The following VPS13B variants were observed in gnomAD, a reference collection of about 807,000 sequenced individuals.
The protein encoded by VPS13B is vacuolar protein sorting 13 homolog B.
Under a neutral mutation model 426.4 loss-of-function variants are expected in VPS13B, and 285 were observed. That is an observed-to-expected ratio of 0.67 (90% confidence interval 0.61 to 0.74). The LOEUF (loss-of-function observed/expected upper bound fraction) is 0.74. Ranked by LOEUF, VPS13B falls within the 30% of genes least tolerant of loss-of-function variation. The pLI, the probability that VPS13B is intolerant of heterozygous loss-of-function variation, is 0.00. For missense variants in VPS13B, 4,537 were observed against 4,782.6 expected (o/e 0.95, Z 1.51); for synonymous variants, 1,676 against 1,676.4 (o/e 1.00, Z 0.01).
chr8:99,358,476 G>A (rs1408360272), intron 19 of VPS13B, among the ~76,000 whole-genome samples: 1 of 152,094 alleles, frequency 6.6e-6, no homozygotes, highest in Non-Finnish European at 1.5e-5. Context: ...TGCTTATAGA[G>A]TTATTTTCTT....
chr8:99,540,044 TATATATATATATATATA>T (rs1823503053), intron 30 of VPS13B, among the ~76,000 whole-genome samples: 3 of 4,142 alleles, frequency 7.2e-4, no homozygotes, highest in Admixed American at 3.1e-3. Context: ...TATATATATA[TATATATATATATATATA>T]TATTTTTTTT....
intron 19 of VPS13B, among the ~76,000 whole-genome samples, chr8:99,363,029 C>T (rs1328667353): frequency 2.6e-5 from 4 of 152,142 alleles, no homozygotes; most frequent in Admixed American, 6.5e-5. Flanking sequence ...GATGTGACCC[C>T]CTTTGTCGAT....
At chr8:99,731,827 A>G (rs1001913732) in intron 39 of VPS13B, among the ~76,000 whole-genome samples, 13 of 152,132 alleles carry the variant, frequency 8.5e-5, no homozygotes, top group African/African-American at 3.1e-4. Context: ...CAATTTTGGA[A>G]ATAAAGAGGA....
intron 21 of VPS13B, among the ~76,000 whole-genome samples, chr8:99,414,111 G>A (rs1161004455): frequency 6.6e-6 from 1 of 152,122 alleles, no homozygotes; most frequent in Non-Finnish European, 1.5e-5. Context: ...GGGTGCTCCT[G>A]TATTGGGTGC....
chr8:99,572,231 G>C (rs1446005180), intron 31 of VPS13B, among the ~76,000 whole-genome samples: 1 of 152,150 alleles, frequency 6.6e-6, no homozygotes, highest in African/African-American at 2.4e-5. Flanking sequence ...TGGACTTGAA[G>C]ATCTATACCA....
chr8:99,670,115 A>C (rs1273256585), intron 35 of VPS13B, among the ~76,000 whole-genome samples: 1 of 152,014 alleles, frequency 6.6e-6, no homozygotes, highest in African/African-American at 2.4e-5. Flanking sequence ...TTCTTGGTTA[A>C]CCCTGCTTTT....
chr8:99,556,581 T>C lies in VPS13B; in HGVS notation c.4877T>C (p.Val1626Ala). ...WHQLKPEKESVSGGVVTETER... is the reference protein window; with the variant it reads ...WHQLKPEKESASGGVVTETER... ...CAACTAAAACCAGAGAAGGAAAGTG[T>C]CTCAGGAGGGGTGGTAACAGAGACT... Residue 1626 changes from valine (V) to alanine (A), a missense_variant, in exon 31 of 62, where the codon GTC becomes GCC. By Grantham distance (64) the Val-to-Ala change is moderately conservative. Transcript: ENST00000357162. 6.2e-7 allele frequency: 1 copy of C among 1,613,158 alleles called. No individual in the cohort carries two copies. Among genetic ancestry groups the C allele is most frequent in the Non-Finnish European group, 8.5e-7 (1 of 1,179,452 alleles).
Position 99,501,800 on chromosome 8 carries a change from G to T in VPS13B, c.3984G>T (p.Trp1328Cys). 3.1e-6 allele frequency: 5 copies of T among 1,613,764 alleles called. No individual in the cohort carries two copies. Among genetic ancestry groups the T allele is most frequent in the Non-Finnish European group, 4.2e-6 (5 of 1,179,968 alleles). Residue 1328 changes from tryptophan to cysteine, a missense_variant, in exon 26 of 62, where the codon TGG becomes TGT. By Grantham distance (215) the Trp-to-Cys change is radical (BLOSUM62 -2). Coordinates refer to ENST00000357162, the MANE Select transcript of VPS13B (RefSeq NM_152564.5). The stretch of plus-strand genomic sequence containing the variant: ...GACGTGTTAGTTTATGGATGCAGTG[G>T]GTGCTTCCCAAAATTACTATAAAGC... ...TSGRVSLWMQ[W>C]VLPKITIKLF...
chr8:99,371,327 A>G (rs1813168083), intron 19 of VPS13B, among the ~76,000 whole-genome samples: 1 of 152,198 alleles, frequency 6.6e-6, no homozygotes, highest in African/African-American at 2.4e-5. Flanking sequence ...TAGATGCACC[A>G]TTTATTAAAT....
At chr8:99,275,509 A>G (rs1397511493) in intron 19 of VPS13B, among the ~76,000 whole-genome samples, 5 of 152,070 alleles carry the variant, frequency 3.3e-5, no homozygotes, top group Non-Finnish European at 5.9e-5. Context: ...TCAGATTCGT[A>G]TATATAAGGA....
intron 23 of VPS13B, among the ~76,000 whole-genome samples, chr8:99,449,248 C>T (rs776597469): frequency 2.0e-5 from 3 of 152,062 alleles, no homozygotes; most frequent in Admixed American, 6.6e-5. Flanking sequence ...AGAATAACTC[C>T]GTGGTTCTTA....
At chr8:99,452,381 AT>A (rs1818241644) in intron 23 of VPS13B, among the ~76,000 whole-genome samples, 1 of 151,804 alleles carries the variant, frequency 6.6e-6, no homozygotes, top group Non-Finnish European at 1.5e-5. Flanking sequence ...AATTTTAACT[AT>A]TTTTCTTCAG....
At chr8:99,384,904 C>A (rs1814031636) in intron 20 of VPS13B, among the ~76,000 whole-genome samples, 1 of 152,166 alleles carries the variant, frequency 6.6e-6, no homozygotes, top group African/African-American at 2.4e-5. Context: ...GTCTTGAACT[C>A]CTGACCTCAA....
intron 17 of VPS13B, among the ~76,000 whole-genome samples, chr8:99,237,763 C>A (rs1455363866): frequency 6.6e-6 from 1 of 151,874 alleles, no homozygotes; most frequent in Non-Finnish European, 1.5e-5. Flanking sequence ...GTGACCCGAA[C>A]CACCTGTTCC....
chr8:99,311,619 T>A (rs969068476), intron 19 of VPS13B, among the ~76,000 whole-genome samples: 1 of 152,244 alleles, frequency 6.6e-6, no homozygotes, highest in Non-Finnish European at 1.5e-5. Flanking sequence ...ATAAGTGTGC[T>A]GTGGTGCTGA....
At chr8:99,437,803 A>C (rs955511615) in intron 22 of VPS13B, among the ~76,000 whole-genome samples, 1 of 152,128 alleles carries the variant, frequency 6.6e-6, no homozygotes, top group African/African-American at 2.4e-5. Flanking sequence ...GTTCTTTCCA[A>C]GTTTTCTATA....
Position 99,720,902 on chromosome 8 carries a change from A to C in VPS13B, c.6905A>C (p.Tyr2302Ser). The C allele has an allele frequency of 6.2e-7, 1 of 1,613,968 alleles. No homozygotes were observed. Among genetic ancestry groups the C allele is most frequent in the Non-Finnish European group, 8.5e-7 (1 of 1,179,922 alleles). Reference protein sequence around the residue: ...KLPGVYEVLFYNETEDCPGMM... With the variant: ...KLPGVYEVLFSNETEDCPGMM... ...CCTGGGGTCTATGAAGTCTTATTTTATAATGAAACTGAAGATTGCCCAGGG... is the reference window on the plus strand; with the variant it reads ...CCTGGGGTCTATGAAGTCTTATTTTCTAATGAAACTGAAGATTGCCCAGGG... The change falls in exon 39 of 62, where the codon TAT (tyrosine) becomes TCT (serine). Residue 2302 changes from tyrosine (Y) to serine (S), a missense_variant. This residue lies in a region of VPS13B where 4,311 missense variants were observed against 4,474.3 expected (regional missense o/e 0.96). Transcript: ENST00000357162.
In VPS13B at chr8:99,200,754, A is replaced by G. The variant is rs534439095; in HGVS notation, c.2515+7697A>G. 3.3e-5 allele frequency among the ~76,000 whole-genome samples: 5 copies of G among 152,046 alleles called. No individual in the cohort carries two copies. In the East Asian group the frequency reaches 9.6e-4, roughly 29 times the overall value. ...TTTAAGATCTGCCTCTTTTTCTTTT[A>G]AATTGTGAGATTTCTTTATATATTT... On this transcript the variant is annotated intron_variant, in intron 17 of 61. Coordinates refer to ENST00000357162, the MANE Select transcript of VPS13B (RefSeq NM_152564.5).
intron 19 of VPS13B, among the ~76,000 whole-genome samples, chr8:99,302,442 T>C (rs1358722246): frequency 6.6e-6 from 1 of 152,186 alleles, no homozygotes; most frequent in East Asian, 1.9e-4. Flanking sequence ...TTGGGCAAAA[T>C]CTTCTAACAC....
Sources: allele counts gnomAD v4.1 joint callset (sites outside exome capture counted in the v4.1 genomes callset), GRCh38; gene constraint gnomAD v4.1.1; regional missense constraint gnomAD v4.1.1; transcripts MANE v1.5; gene names NCBI Gene and HGNC (gene_info 2026-07-23, HGNC 2026-07-21).